Variants in SETD5 observed in about 807,000 individuals in gnomAD.
The protein encoded by SETD5 is SET domain containing 5.
SETD5 carries 44 observed loss-of-function variants against 153.3 expected under a neutral mutation model. That is an observed-to-expected ratio of 0.29 (90% CI 0.23 to 0.37). The LOEUF is 0.37. Ranked by LOEUF, SETD5 falls within the 10% of genes least tolerant of loss-of-function variation. The probability of loss-of-function intolerance (pLI) is 1.00; values close to 1 mark genes in which losing one functional copy is unlikely to be tolerated. For synonymous variants in SETD5, 716 were observed against 645.2 expected, an observed-to-expected ratio of 1.11 and a Z score of -1.66; for missense variants, 1,544 against 1,768.0, an observed-to-expected ratio of 0.87 and a Z score of 2.27.
At chr3:9,416,079 C>G (rs1429290486) in intron 1 of SETD5, among the ~76,000 whole-genome samples, 1 of 151,976 alleles carries the variant, frequency 6.6e-6, no homozygotes. Flanking sequence ...AGGAATCTTC[C>G]ACGTGCATCC....
chr3:9,474,674 A>C, intron 21 of SETD5, 92 bp downstream of exon 21: 2 of 1,523,270 alleles, frequency 1.3e-6, no homozygotes, highest in Non-Finnish European at 1.8e-6. Flanking sequence ...GAGGTGAGTC[A>C]GTTTCTGATG....
At chr3:9,414,720 A>G (rs1232690594) in intron 1 of SETD5, among the ~76,000 whole-genome samples, 1 of 152,166 alleles carries the variant, frequency 6.6e-6, no homozygotes, top group Non-Finnish European at 1.5e-5. Context: ...AACTTAGAAG[A>G]AAAAACAAGT....
At chr3:9,458,699 G>C (rs189982654) in intron 17 of SETD5, among the ~76,000 whole-genome samples, 4 of 152,304 alleles carry the variant, frequency 2.6e-5, no homozygotes, top group Admixed American at 2.6e-4. Context: ...GTACATTGGG[G>C]AAAGGATTTG....
At chr3:9,425,055 C>CTTTTTTTTTTTTTTTTTTTTT (rs778883904) in intron 2 of SETD5, among the ~76,000 whole-genome samples, 9 of 83,642 alleles carry the variant, frequency 1.1e-4, no homozygotes, top group African/African-American at 4.4e-4. Context: ...GACAATGTTT[C>CTTTTTTTTTTTTTTTTTTTTT]TTTTTTTTTT....
At chr3:9,416,796 G>C (rs1349964097) in intron 1 of SETD5, among the ~76,000 whole-genome samples, 1 of 152,112 alleles carries the variant, frequency 6.6e-6, no homozygotes. Context: ...GTATTTTGGG[G>C]ATTTTGCTGT....
intron 2 of SETD5, chr3:9,425,960 A>G (rs958984751): frequency 2.0e-5 from 3 of 152,174 alleles, no homozygotes; most frequent in African/African-American, 7.2e-5. Context: ...CTGGTCAGAC[A>G]GCTTTGGGGC....
intron 1 of SETD5, among the ~76,000 whole-genome samples, chr3:9,403,407 C>T (rs1303201828): frequency 2.6e-5 from 4 of 152,152 alleles, no homozygotes; most frequent in Admixed American, 6.5e-5. Context: ...TGAATAAAAA[C>T]ACATTGTAAT....
chr3:9,462,633 CGTG>C (rs2044109824), intron 17 of SETD5, among the ~76,000 whole-genome samples: 1 of 150,502 alleles, frequency 6.6e-6, no homozygotes, highest in East Asian at 2.0e-4. Context: ...TGGGGCCAGG[CGTG>C]GTGGCTCATG....
intron 3 of SETD5, 53 bp downstream of exon 3, chr3:9,429,062 CCTT>C: frequency 1.6e-6 from 2 of 1,276,840 alleles, no homozygotes; most frequent in Non-Finnish European, 2.3e-6. Context: ...GTGGAGACAG[CCTT>C]CTTATGGATA....
chr3:9,475,528 C>G lies in SETD5; in HGVS notation c.3766C>G (p.Gln1256Glu). The change falls in exon 23 of 23, where the codon CAG becomes GAG. Residue 1256 changes from glutamine (Q) to glutamate (E), a missense_variant. By Grantham distance (29) the Gln-to-Glu change is conservative (BLOSUM62 2). Transcript: ENST00000402198. ...SPRTESQSLL[Q>E]QSSSPFRGHP... ...TCGGACAGAATCACAAAGCCTCCTT[C>G]AGCAGAGTTCCTCCCCCTTCAGAGG... 6.2e-7 allele frequency: 1 copy of G among 1,613,900 alleles called. No homozygotes were observed. Among genetic ancestry groups the G allele is most frequent in the Non-Finnish European group, 8.5e-7 (1 of 1,179,830 alleles).
intron 18 of SETD5, among the ~76,000 whole-genome samples, chr3:9,466,843 C>T (rs2044640517): frequency 6.6e-6 from 1 of 151,960 alleles, no homozygotes; most frequent in South Asian, 2.1e-4. Flanking sequence ...TGGGTAACAT[C>T]GTGAGACCAC....
chr3:9,400,853 G>A (rs569893811), intron 1 of SETD5, among the ~76,000 whole-genome samples: 1 of 152,292 alleles, frequency 6.6e-6, no homozygotes, highest in Non-Finnish European at 1.5e-5. Context: ...CTGAACATTA[G>A]GATGATCTCT....
chr3:9,435,335 A>G (rs190084098), intron 6 of SETD5, among the ~76,000 whole-genome samples: 83 of 152,212 alleles, frequency 5.5e-4, no homozygotes, highest in African/African-American at 1.9e-3. Context: ...AAGTCCTCTC[A>G]AGACCACTGT....
At chr3:9,449,690 A>G (rs961468843) in intron 16 of SETD5, 2 of 152,228 alleles carry the variant, frequency 1.3e-5, no homozygotes, top group African/African-American at 4.8e-5. Flanking sequence ...AAGATGAGCC[A>G]AAGTGGTGTG....
At chr3:9,420,239 A>G (rs768113644) in intron 1 of SETD5, among the ~76,000 whole-genome samples, 1 of 148,600 alleles carries the variant, frequency 6.7e-6, no homozygotes, top group Non-Finnish European at 1.5e-5. Context: ...CAATATTTAG[A>G]TAATAATAAT....
rs1302601824 is a variant in SETD5, at chr3:9,453,752, A to G, written c.2360A>G (p.Gln787Arg). The G allele has an allele frequency of 1.3e-6, 2 of 1,596,884 alleles. No individual in the cohort carries two copies. Among genetic ancestry groups the G allele is most frequent in the African/African-American group, 2.7e-5 (2 of 73,736 alleles). The change falls in exon 17 of 23, where the codon CAA becomes CGA. Residue 787 changes from glutamine (Q) to arginine (R), a missense_variant. Physicochemically the swap from Gln to Arg is conservative, Grantham distance 43 (BLOSUM62 1). Coordinates refer to ENST00000402198, the MANE Select transcript of SETD5 (RefSeq NM_001080517.3). The part of the protein sequence containing the change: ...FSSCKKRWIK[Q>R]ALEEGMTQTS... ...TTTCAATTATAGCGCTGGATAAAAC[A>G]AGCCTTAGAAGAAGGGATGACTCAA...
At position 9,453,802 on chromosome 3, in the gene SETD5, A is replaced by C; in HGVS notation, c.2410A>C (p.Arg804=). Residue 804 remains arginine (R), a synonymous_variant, in exon 17 of 23, where the codon AGA becomes CGA. Coordinates refer to ENST00000402198, the MANE Select transcript of SETD5 (RefSeq NM_001080517.3). The part of the protein sequence containing the change: ...TQTSSVPQET[R]TQHLYQSNEN... Reference sequence around the variant, plus strand: ...AACATCATCTGTACCCCAAGAGACTAGAACTCAGCACCTATACCAAAGCAA... The same window carrying C: ...AACATCATCTGTACCCCAAGAGACTCGAACTCAGCACCTATACCAAAGCAA... The C allele has an allele frequency of 6.2e-7, 1 of 1,610,416 alleles. No individual in the cohort carries two copies. The highest frequency in any genetic ancestry group is 8.5e-7 in the Non-Finnish European group (1 of 1,178,970).
chr3:9,433,392 T>A, intron 3 of SETD5: 1 of 1,289,876 alleles, frequency 7.8e-7, no homozygotes, highest in Non-Finnish European at 1.0e-6. Context: ...TGGTAGTGAA[T>A]GGAAGAGGGC....
rs753918709 is a variant in SETD5, at chr3:9,434,859, G to A, written c.365G>A (p.Arg122Gln). Residue 122 changes from arginine (R) to glutamine (Q), a missense_variant, in exon 6 of 23, where the codon CGG becomes CAG. Physicochemically the swap from Arg to Gln is conservative, Grantham distance 43. This residue lies in a region of SETD5 where 251 missense variants were observed against 326.9 expected (regional missense o/e 0.77). Coordinates refer to ENST00000402198, the MANE Select transcript of SETD5 (RefSeq NM_001080517.3). The surrounding 1 kb of genome is among the most constrained non-coding windows in gnomAD (Gnocchi z 5.6). ...MSRGKVIRLH[R>Q]RKQDNISGGD... The stretch of plus-strand genomic sequence containing the variant: ...AGGGGGAAGGTTATTAGACTTCATC[G>A]GCGGAAGCAGGACAACATATCAGGT... The A allele has an allele frequency of 5.0e-6, 8 of 1,613,340 alleles. No individual in the cohort carries two copies. Among genetic ancestry groups the A allele is most frequent in the East Asian group, 4.5e-5 (2 of 44,876 alleles).
Sources: gnomAD v4.1 joint callset for allele counts (sites outside exome capture counted in the v4.1 genomes callset) on GRCh38, gnomAD v4.1.1 for gene constraint, gnomAD v4.1.1 regional missense constraint, Gnocchi (gnomAD v3.1) non-coding constraint, MANE v1.5 for transcripts, NCBI Gene and HGNC (gene_info 2026-07-23, HGNC 2026-07-21) for gene names.